The following MRPL1 variants were observed in gnomAD, a reference collection of about 807,000 sequenced individuals.
MRPL1 encodes large ribosomal subunit protein uL1m.
A neutral mutation model predicts 38.0 loss-of-function variants in MRPL1; 28 were observed. The ratio of observed to expected loss-of-function variants is 0.74; its 90% CI spans 0.55 to 1.01. The LOEUF (loss-of-function observed/expected upper bound fraction) is 1.01, where lower values mean the gene tolerates loss of function less well. MRPL1 is among the 50% of genes least tolerant of loss of function. The probability of loss-of-function intolerance (pLI) is 0.00; values close to 1 mark genes in which losing one functional copy is unlikely to be tolerated. For synonymous variants in MRPL1, 123 were observed against 126.7 expected, an observed-to-expected ratio of 0.97 and a Z score of 0.20; for missense variants, 358 against 389.8, an observed-to-expected ratio of 0.92 and a Z score of 0.69.
rs934455201 is a variant in MRPL1 at position 77,936,165 on chromosome 4, C to T, written c.778-13632C>T. On this transcript the variant is annotated intron_variant, in intron 7 of 8. Coordinates refer to ENST00000315567, the MANE Select transcript of MRPL1 (RefSeq NM_020236.4). ...TTTATTACTGCTCTTTCTGTATGGA[C>T]GTATTTTTTTTTTATGTAATTGCTA... 4.3e-5 allele frequency among the ~76,000 whole-genome samples: 6 copies of T among 139,174 alleles called. No individual in the cohort carries two copies. In the South Asian group the frequency reaches 1.0e-3, roughly 23 times the overall value. 91.3% of individuals were successfully genotyped at this position (139,174 alleles called of 152,430 possible). A position where few individuals can be genotyped will look rare whatever the true frequency, so the allele number is the denominator to read the frequency against.
chr4:77,888,096 G>C (rs143666372), intron 5 of MRPL1, among the ~76,000 whole-genome samples: 158 of 152,240 alleles, frequency 1.0e-3, no homozygotes, highest in African/African-American at 3.7e-3. Flanking sequence ...TATGGTATCT[G>C]CCCTCTATAA....
At chr4:77,926,383 C>T (rs1194767975) in intron 7 of MRPL1, among the ~76,000 whole-genome samples, 3 of 152,156 alleles carry the variant, frequency 2.0e-5, no homozygotes, top group African/African-American at 7.2e-5. Flanking sequence ...CTCTGGCAGC[C>T]AGGCCTCACC....
chr4:77,872,505 G>A (rs1382254025), intron 2 of MRPL1, among the ~76,000 whole-genome samples: 2 of 152,136 alleles, frequency 1.3e-5, no homozygotes, highest in African/African-American at 2.4e-5. Flanking sequence ...GCCAAGGCAG[G>A]CAAATCACTT....
intron 6 of MRPL1, among the ~76,000 whole-genome samples, chr4:77,900,216 C>T (rs773033056): frequency 7.2e-5 from 11 of 152,118 alleles, no homozygotes; most frequent in Non-Finnish European, 1.6e-4. Context: ...TATATATCAC[C>T]TTCATAACTT....
At chr4:77,933,451 C>T (rs1282643728) in intron 7 of MRPL1, among the ~76,000 whole-genome samples, 2 of 151,996 alleles carry the variant, frequency 1.3e-5, no homozygotes, top group African/African-American at 2.4e-5. Context: ...CCCAGAAGTA[C>T]GGGGGAGATC....
chr4:77,884,663 G>C (rs1215870881), intron 3 of MRPL1, among the ~76,000 whole-genome samples: 3 of 152,198 alleles, frequency 2.0e-5, no homozygotes, highest in Non-Finnish European at 4.4e-5. Flanking sequence ...CTTTAGGCTC[G>C]ACATTTTGTC....
intron 7 of MRPL1, among the ~76,000 whole-genome samples, chr4:77,938,324 C>A (rs991262472): frequency 1.7e-4 from 26 of 152,208 alleles, no homozygotes; most frequent in Non-Finnish European, 2.4e-4. Flanking sequence ...TTCTAGAATT[C>A]TTTCTAAAAC....
At chr4:77,944,251 C>A (rs1010195523) in intron 7 of MRPL1, among the ~76,000 whole-genome samples, 1 of 152,228 alleles carries the variant, frequency 6.6e-6, no homozygotes, top group African/African-American at 2.4e-5. Context: ...TCAGGTCTCA[C>A]AGCCATAGAT....
chr4:77,906,487 TTG>T (rs1218944476), intron 6 of MRPL1, among the ~76,000 whole-genome samples: 5 of 152,008 alleles, frequency 3.3e-5, no homozygotes, highest in African/African-American at 9.7e-5. Context: ...CTAATGAAGA[TTG>T]TCTAGGGAAG....
At chr4:77,906,976 A>G in intron 6 of MRPL1, 1 of 985,204 alleles carries the variant, frequency 1.0e-6, no homozygotes, top group Non-Finnish European at 1.2e-6. Flanking sequence ...AGTTGCTTTC[A>G]CTTATAGCTG....
intron 6 of MRPL1, among the ~76,000 whole-genome samples, chr4:77,907,892 CTT>C (rs537450784): frequency 1.2e-4 from 17 of 139,084 alleles, no homozygotes; most frequent in Admixed American, 1.4e-4. Context: ...CTTTTCTTTT[CTT>C]TTTTTTTTTT....
chr4:77,942,995 A>G (rs1737171338), intron 7 of MRPL1, among the ~76,000 whole-genome samples: 2 of 152,042 alleles, frequency 1.3e-5, no homozygotes, highest in South Asian at 4.2e-4. Flanking sequence ...TGTTTTAAGG[A>G]GGTTCATTTT....
intron 7 of MRPL1, among the ~76,000 whole-genome samples, chr4:77,918,425 GT>G (rs1033527101): frequency 6.6e-6 from 1 of 151,360 alleles, no homozygotes; most frequent in Non-Finnish European, 1.5e-5. Flanking sequence ...GTCTTCTAGG[GT>G]TTTTTTTTCT....
Position 77,871,762 on chromosome 4 carries a change from G to A in MRPL1, c.50G>A (p.Arg17Lys). ...CMGRALIHHQ[R>K]HSLSKMVYQT... ...TTTCAAGCCTTGATACATCATCAAA[G>A]GCATAGCCTTTCCAAGATGGTTTAT... Residue 17 changes from arginine to lysine, a missense_variant, in exon 2 of 9, where the codon AGG becomes AAG. Arg to Lys is a conservative substitution (Grantham distance 26). Transcript: ENST00000315567. 2 of 1,579,958 alleles carry A rather than the reference G, an allele frequency of 1.3e-6. No homozygotes were observed. The highest frequency in any genetic ancestry group is 1.7e-6 in the Non-Finnish European group (2 of 1,166,498).
At chr4:77,899,711 C>T (rs1247480286) in intron 6 of MRPL1, among the ~76,000 whole-genome samples, 4 of 151,038 alleles carry the variant, frequency 2.6e-5, no homozygotes, top group Non-Finnish European at 2.9e-5. Flanking sequence ...AATACTTGAT[C>T]GTATAGTATA....
At chr4:77,903,814 ATAT>A (rs1736090382) in intron 6 of MRPL1, among the ~76,000 whole-genome samples, 1 of 152,218 alleles carries the variant, frequency 6.6e-6, no homozygotes, top group African/African-American at 2.4e-5. Context: ...ATTTGAAAGC[ATAT>A]TATTAAGATA....
At chr4:77,891,120 TG>T in intron 5 of MRPL1, among the ~76,000 whole-genome samples, 1 of 152,236 alleles carries the variant, frequency 6.6e-6, no homozygotes, top group South Asian at 2.1e-4. Context: ...CCAGAGTCAG[TG>T]GGACTCAGTT....
intron 7 of MRPL1, among the ~76,000 whole-genome samples, chr4:77,941,955 G>T (rs1312365137): frequency 1.3e-5 from 2 of 151,958 alleles, no homozygotes; most frequent in African/African-American, 4.8e-5. Flanking sequence ...GTTCTTTGAG[G>T]TGTGACTTTA....
chr4:77,877,884 C>T (rs989173316), intron 2 of MRPL1, among the ~76,000 whole-genome samples: 3 of 150,910 alleles, frequency 2.0e-5, no homozygotes, highest in African/African-American at 7.3e-5. Flanking sequence ...GTGCCTTTTC[C>T]TGTGTGCCTG....
Sources: gnomAD v4.1 joint callset for allele counts (sites outside exome capture counted in the v4.1 genomes callset) on GRCh38, gnomAD v4.1.1 for gene constraint, MANE v1.5 for transcripts, NCBI Gene and HGNC (gene_info 2026-07-23, HGNC 2026-07-21) for gene names.